Variants in MEIKIN observed in about 807,000 individuals in gnomAD.
The protein encoded by MEIKIN is meiosis-specific kinetochore protein.
At chr5:131,910,670 C>T (rs1040063066) in intron 8 of MEIKIN, among the ~76,000 whole-genome samples, 1 of 151,844 alleles carries the variant, frequency 6.6e-6, no homozygotes, top group Non-Finnish European at 1.5e-5. Context: ...GCATTGCATG[C>T]CTGTATTAAA....
chr5:131,892,119 C>A (rs1050185026), intron 8 of MEIKIN, among the ~76,000 whole-genome samples: 1 of 152,100 alleles, frequency 6.6e-6, no homozygotes, highest in East Asian at 1.9e-4. Context: ...TTGTGGGTAA[C>A]CCAACCTTTC....
intron 7 of MEIKIN, among the ~76,000 whole-genome samples, chr5:131,914,097 C>G (rs77390370): frequency 0.019 from 2,822 of 152,248 alleles, 91 homozygotes; most frequent in African/African-American, 0.064. Flanking sequence ...CCTGAGCTAC[C>G]ATGTTCAGTC....
chr5:131,903,274 A>C (rs1416086597), intron 8 of MEIKIN, among the ~76,000 whole-genome samples: 1 of 152,192 alleles, frequency 6.6e-6, no homozygotes, highest in African/African-American at 2.4e-5. Flanking sequence ...AGAGAGGCCA[A>C]CATTCAAATT....
At chr5:131,824,369 A>G (rs1422549900) in intron 11 of MEIKIN, among the ~76,000 whole-genome samples, 1 of 151,718 alleles carries the variant, frequency 6.6e-6, no homozygotes, top group African/African-American at 2.4e-5. Flanking sequence ...AAAATAGAAA[A>G]CTTAGCCAGG....
intron 11 of MEIKIN, among the ~76,000 whole-genome samples, chr5:131,837,849 T>C (rs1177244022): frequency 3.9e-5 from 6 of 152,144 alleles, no homozygotes; most frequent in Non-Finnish European, 7.4e-5. Context: ...TGCCCTTTAT[T>C]TCCTTCTCTC....
chr5:131,945,458 C>A lies in MEIKIN; in HGVS notation c.48G>T (p.Arg16Ser), dbSNP rs1751949236. ...VYTRKKREGQ[R>S]LNLTPTPDLG... ...GGTCTGGCGTCGGGGTGAGATTGAG[C>A]CTCTGACCCTCCCGCTTTTTGCGGG... The change falls in exon 1 of 13, where the codon AGG (arginine) becomes AGT (serine). Residue 16 changes from arginine to serine, a missense_variant. Physicochemically the swap from Arg to Ser is moderately radical, Grantham distance 110. Transcript: ENST00000442687. 2.5e-6 allele frequency: 1 copy of A among 399,426 alleles called. No individual in the cohort carries two copies. The allele number at this position is 399,426 out of a possible 1,614,324, so 24.7% of individuals were successfully genotyped here. A position where few individuals can be genotyped will look rare whatever the true frequency, so the allele number is the denominator to read the frequency against.
At chr5:131,815,980 C>CTT (rs751692791) in intron 12 of MEIKIN, among the ~76,000 whole-genome samples, 20 of 152,194 alleles carry the variant, frequency 1.3e-4, no homozygotes, top group Non-Finnish European at 2.8e-4. Context: ...TCTCTTATCC[C>CTT]TTTATCATAT....
intron 11 of MEIKIN, among the ~76,000 whole-genome samples, chr5:131,847,503 C>T (rs990134453): frequency 6.6e-5 from 10 of 151,886 alleles, no homozygotes; most frequent in Admixed American, 3.9e-4. Context: ...CAATTATAAA[C>T]ATTTACACAG....
intron 4 of MEIKIN, among the ~76,000 whole-genome samples, chr5:131,934,142 T>C (rs1391926126): frequency 2.0e-5 from 3 of 151,804 alleles, no homozygotes; most frequent in Admixed American, 6.6e-5. Context: ...TTTTTTTTTT[T>C]AGTAGAGACG....
chr5:131,815,853 C>T (rs1580856153), intron 12 of MEIKIN, among the ~76,000 whole-genome samples: 1 of 152,194 alleles, frequency 6.6e-6, no homozygotes, highest in Admixed American at 6.5e-5. Flanking sequence ...AGAACCATGA[C>T]CATCTGAAGT....
chr5:131,879,231 A>T (rs571431768), intron 8 of MEIKIN, among the ~76,000 whole-genome samples, 183 bp from the exon 9 acceptor site: 106 of 152,346 alleles, frequency 7.0e-4, no homozygotes, highest in Non-Finnish European at 1.2e-3. Flanking sequence ...TAATAAAAAC[A>T]TCCTTATCTT....
intron 12 of MEIKIN, among the ~76,000 whole-genome samples, chr5:131,808,054 T>C (rs75756682): frequency 0.036 from 5,548 of 152,216 alleles, 122 homozygotes; most frequent in East Asian, 0.11. Context: ...ACCTAAAAGG[T>C]TGTGAGAAAT....
In MEIKIN at chr5:131,878,927, T is replaced by C. The variant is rs188756244; in HGVS notation, c.774+51A>G. On this transcript the variant is annotated intron_variant, in intron 9 of 12. Transcript: ENST00000442687. ...AACTGTTAGTTAAAAGTATATTCTT[T>C]ATTAATGAAATGTATTATGATTTAT... The C allele has an allele frequency of 2.0e-4, 81 of 398,048 alleles. No homozygotes were observed. The East Asian group carries it at 2.6e-3, about 13-fold the overall frequency. The allele number at this position is 398,048 out of a possible 1,614,324, so 24.7% of individuals were successfully genotyped here.
At chr5:131,914,075 GA>G (rs1312171324) in intron 7 of MEIKIN, among the ~76,000 whole-genome samples, 2 of 152,088 alleles carry the variant, frequency 1.3e-5, no homozygotes, top group Non-Finnish European at 2.9e-5. Context: ...TTTACAAGAG[GA>G]AAAAGAGAGA....
chr5:131,888,172 G>A (rs952062918), intron 8 of MEIKIN, among the ~76,000 whole-genome samples: 3 of 147,940 alleles, frequency 2.0e-5, no homozygotes, highest in African/African-American at 5.1e-5. Context: ...ATAAACATAC[G>A]TGTGCATGTG....
intron 9 of MEIKIN, among the ~76,000 whole-genome samples, chr5:131,872,125 G>A (rs1311698181): frequency 1.3e-5 from 2 of 152,188 alleles, no homozygotes; most frequent in Non-Finnish European, 2.9e-5. Context: ...CTCCTCACCA[G>A]CAACGGAACA....
At chr5:131,845,272 T>TTAAAAAAAAAAAAA (rs1749995385) in intron 11 of MEIKIN, among the ~76,000 whole-genome samples, 1 of 45,350 alleles carries the variant, frequency 2.2e-5, no homozygotes, top group African/African-American at 1.4e-4. Flanking sequence ...GACTTCGTCT[T>TTAAAAAAAAAAAAA]AAAAAAAAAA....
chr5:131,912,538 G>A lies in MEIKIN; in HGVS notation c.639-659C>T, dbSNP rs535138249. Among the ~76,000 whole-genome samples, 161 of 152,134 alleles carry A rather than the reference G, an allele frequency of 1.1e-3. 1 individual carries two copies. The highest frequency in any genetic ancestry group is 3.6e-3 in the African/African-American group (151 of 41,516). ...CCACAAAAATGGGATTTCTGAGTCC[G>A]TAGCAAGAAAATGCAGTTGAAAACC... On this transcript the variant is annotated intron_variant, in intron 7 of 12. Transcript: ENST00000442687.
Position 131,870,899 on chromosome 5 carries a change from C to G in MEIKIN, c.774+8079G>C, listed in dbSNP as rs565797718. 3.3e-5 allele frequency among the ~76,000 whole-genome samples: 5 copies of G among 152,244 alleles called. No individual in the cohort carries two copies. In the South Asian group the frequency reaches 1.0e-3, roughly 32 times the overall value. On this transcript the variant is annotated intron_variant, in intron 9 of 12. Coordinates refer to ENST00000442687, the MANE Select transcript of MEIKIN (RefSeq NM_001303622.2). ...CTCTCTAATTCCTTACAGTGACAAT[C>G]TAGTGTAGTAGAAAGAGTATAGGCT...
Sources: gnomAD v4.1 joint callset for allele counts (sites outside exome capture counted in the v4.1 genomes callset) on GRCh38, gnomAD v4.1.1 for gene constraint, MANE v1.5 for transcripts, NCBI Gene and HGNC (gene_info 2026-07-23, HGNC 2026-07-21) for gene names.